PPP2R2A: variants seen among roughly 807,000 people sequenced by gnomAD.
PPP2R2A encodes protein phosphatase 2 regulatory subunit Balpha, also known as serine/threonine-protein phosphatase 2A 55 kDa regulatory subunit B alpha isoform.
PPP2R2A carries 9 observed loss-of-function variants against 53.2 expected under a neutral mutation model. The ratio of observed to expected loss-of-function variants is 0.17; its 90% CI spans 0.10 to 0.30. PPP2R2A has a LOEUF of 0.30. Among genes scored for constraint, PPP2R2A ranks in the 10% least tolerant of loss-of-function variants. The pLI is 1.00. For synonymous variants in PPP2R2A, 169 were observed against 174.2 expected (o/e 0.97, Z 0.23); for missense variants, 235 against 534.6 (o/e 0.44, Z 5.53).
intron 2 of PPP2R2A, among the ~76,000 whole-genome samples, chr8:26,327,610 A>G (rs1803160306): frequency 6.6e-6 from 1 of 152,210 alleles, no homozygotes; most frequent in Non-Finnish European, 1.5e-5. Context: ...AGAGGCCAGC[A>G]GTGATAAAAG....
At chr8:26,344,165 G>T (rs898914159) in intron 3 of PPP2R2A, among the ~76,000 whole-genome samples, 1 of 152,182 alleles carries the variant, frequency 6.6e-6, no homozygotes, top group African/African-American at 2.4e-5. Flanking sequence ...CAGTTTATGT[G>T]CTAGGACCTC....
chr8:26,318,536 A>C (rs959416037), intron 2 of PPP2R2A, among the ~76,000 whole-genome samples: 7 of 152,226 alleles, frequency 4.6e-5, no homozygotes, highest in African/African-American at 1.7e-4. Flanking sequence ...TGATAGGTAC[A>C]CAGGAATTCA....
chr8:26,348,092 A>G (rs1036104019), intron 3 of PPP2R2A, among the ~76,000 whole-genome samples: 40 of 152,250 alleles, frequency 2.6e-4, no homozygotes, highest in African/African-American at 9.6e-4. Context: ...TATAAAATAT[A>G]AAACAAATGA....
intron 2 of PPP2R2A, among the ~76,000 whole-genome samples, chr8:26,337,252 G>GC (rs1420601219): frequency 2.2e-3 from 338 of 152,134 alleles, no homozygotes; most frequent in African/African-American, 7.7e-3. Flanking sequence ...TGATGGTTAG[G>GC]CTAAAAAAAA....
intron 2 of PPP2R2A, among the ~76,000 whole-genome samples, chr8:26,315,679 C>T (rs1802517904): frequency 6.6e-6 from 1 of 152,174 alleles, no homozygotes; most frequent in Non-Finnish European, 1.5e-5. Context: ...GACTTGACAA[C>T]CCCTTTTGCA....
Position 26,360,067 on chromosome 8 carries a change from C to A in PPP2R2A, c.347-102C>A. 40 of 420,808 alleles carry A rather than the reference C, an allele frequency of 9.5e-5. No individual in the cohort carries two copies. Among genetic ancestry groups the A allele is most frequent in the Middle Eastern group, 7.3e-4 (1 of 1,372 alleles). 26.1% of individuals were successfully genotyped at this position (420,808 alleles called of 1,614,324 possible). On this transcript the variant is annotated intron_variant, in intron 4 of 9. Transcript: ENST00000380737. The surrounding 1 kb of genome is among the most constrained non-coding windows in gnomAD (Gnocchi z 4.5). ...TTCAGATTAGGGTTTTTTTTTTTTT[C>A]GTGGAATCCTTTTACGTGAAATGTG...
At chr8:26,352,556 C>T (rs1804572994) in intron 3 of PPP2R2A, among the ~76,000 whole-genome samples, 1 of 152,202 alleles carries the variant, frequency 6.6e-6, no homozygotes, top group South Asian at 2.1e-4. Flanking sequence ...TGCATGTGCT[C>T]AGCCTGGCAT....
intron 2 of PPP2R2A, among the ~76,000 whole-genome samples, chr8:26,318,167 C>T (rs1371030996): frequency 6.6e-6 from 1 of 152,204 alleles, no homozygotes; most frequent in Non-Finnish European, 1.5e-5. Context: ...GTCTCTGCTA[C>T]AGCTACTAAT....
chr8:26,324,093 C>G (rs1443479063), intron 2 of PPP2R2A, among the ~76,000 whole-genome samples: 1 of 152,198 alleles, frequency 6.6e-6, no homozygotes. Flanking sequence ...TTGTTTGCAT[C>G]AAGTTTGCCA....
intron 7 of PPP2R2A, 174 bp downstream of exon 7, chr8:26,363,022 G>A: frequency 1.7e-6 from 1 of 586,864 alleles, no homozygotes; most frequent in Non-Finnish European, 3.0e-6. Flanking sequence ...GGTTATTCCT[G>A]GAAGCTCTCT....
chr8:26,344,984 C>T lies in PPP2R2A; in HGVS notation c.180+5997C>T, dbSNP rs1291456446. Reference sequence around the variant, plus strand: ...ACAAATTAAATTGTTTCATATACACCTTATACATATGACCTGAAGATAATT... The same window carrying T: ...ACAAATTAAATTGTTTCATATACACTTTATACATATGACCTGAAGATAATT... On this transcript the variant is annotated intron_variant, in intron 3 of 9. Coordinates refer to ENST00000380737, the MANE Select transcript of PPP2R2A (RefSeq NM_002717.4). 2.0e-5 allele frequency among the ~76,000 whole-genome samples: 3 copies of T among 152,242 alleles called. No homozygotes were observed. The East Asian group carries it at 5.8e-4, about 29-fold the overall frequency.
At chr8:26,302,540 T>C (rs892937742) in intron 2 of PPP2R2A, among the ~76,000 whole-genome samples, 1 of 152,250 alleles carries the variant, frequency 6.6e-6, no homozygotes, top group Non-Finnish European at 1.5e-5. Flanking sequence ...ACTACCGATA[T>C]GTTTTGAGAT....
At chr8:26,367,730 A>G (rs1805454629) in intron 9 of PPP2R2A, among the ~76,000 whole-genome samples, 1 of 152,200 alleles carries the variant, frequency 6.6e-6, no homozygotes, top group Non-Finnish European at 1.5e-5. Context: ...TGACAAAAAC[A>G]CTTTCCAACA....
chr8:26,337,929 T>C (rs188550815), intron 2 of PPP2R2A, among the ~76,000 whole-genome samples: 3 of 152,364 alleles, frequency 2.0e-5, no homozygotes, highest in African/African-American at 7.2e-5. Context: ...GATAGATTAT[T>C]GGTGAAATAC....
rs369431807 is a variant in PPP2R2A at position 26,339,027 on chromosome 8, C to T, written c.180+40C>T. 2.5e-3 allele frequency: 3,576 copies of T among 1,438,896 alleles called. 2 individuals are homozygous for T. The highest frequency in any genetic ancestry group is 3.2e-3 in the Non-Finnish European group (3,307 of 1,024,944). 89.1% of individuals were successfully genotyped at this position (1,438,896 alleles called of 1,614,324 possible). On this transcript the variant is annotated intron_variant, in intron 3 of 9. Transcript: ENST00000380737. Reference sequence around the variant, plus strand: ...TTTATTGTCTAAATTTCAGTTTGATCTTAGGACTAGAGCTTGTGTTGCACT... The same window carrying T: ...TTTATTGTCTAAATTTCAGTTTGATTTTAGGACTAGAGCTTGTGTTGCACT...
At chr8:26,367,298 A>T (rs898402630) in intron 9 of PPP2R2A, among the ~76,000 whole-genome samples, 1 of 152,218 alleles carries the variant, frequency 6.6e-6, no homozygotes, top group African/African-American at 2.4e-5. Flanking sequence ...AGAAGAAAGA[A>T]GGAAAGGGAA....
At position 26,317,307 on chromosome 8, in the gene PPP2R2A, A is replaced by G. The variant is rs576059771; in HGVS notation, c.83-21583A>G. ...CCAAAAGAGATGTACATTTAATGTT[A>G]TCTGTTTTTAAAATATCTTTACTAT... is the stretch of plus-strand genomic sequence containing the variant. On this transcript the variant is annotated intron_variant, in intron 2 of 9. Transcript: ENST00000380737. 2.6e-5 allele frequency among the ~76,000 whole-genome samples: 4 copies of G among 152,344 alleles called. No homozygotes were observed. The South Asian group carries it at 8.3e-4, about 32-fold the overall frequency.
chr8:26,334,706 C>G (rs141411552), intron 2 of PPP2R2A, among the ~76,000 whole-genome samples: 2,852 of 152,084 alleles, frequency 0.019, 109 homozygotes, highest in African/African-American at 0.066. Context: ...GATCGCGCCA[C>G]TGCACTCCAG....
chr8:26,368,330 T>G (rs1805486654), intron 9 of PPP2R2A, among the ~76,000 whole-genome samples: 1 of 152,232 alleles, frequency 6.6e-6, no homozygotes, highest in Non-Finnish European at 1.5e-5. Flanking sequence ...AATTCCCCAG[T>G]ATCCTGTAAT....
Sources: gnomAD v4.1 joint callset for allele counts (sites outside exome capture counted in the v4.1 genomes callset) on GRCh38, gnomAD v4.1.1 for gene constraint, Gnocchi (gnomAD v3.1) non-coding constraint, MANE v1.5 for transcripts, NCBI Gene and HGNC (gene_info 2026-07-23, HGNC 2026-07-21) for gene names.